Variants in PCDH15 observed in about 807,000 individuals in gnomAD.
The protein encoded by PCDH15 is protocadherin-15.
A neutral mutation model predicts 178.5 loss-of-function variants in PCDH15; 129 were observed. That is an observed-to-expected ratio of 0.72 (90% CI 0.63 to 0.84). The LOEUF (loss-of-function observed/expected upper bound fraction) is 0.84. PCDH15 is among the 40% of genes least tolerant of loss of function. The pLI, the probability that PCDH15 is intolerant of heterozygous loss-of-function variation, is 0.00. For missense variants in PCDH15, 2,230 were observed against 2,099.9 expected, an observed-to-expected ratio of 1.06 and a Z score of -1.21; for synonymous variants, 800 against 732.0, an observed-to-expected ratio of 1.09 and a Z score of -1.50.
chr10:55,602,642 C>T (rs1843114935), intron 2 of PCDH15, among the ~76,000 whole-genome samples: 1 of 152,158 alleles, frequency 6.6e-6, no homozygotes, highest in Admixed American at 6.5e-5. Context: ...ACACCTCACA[C>T]AGCAGGGTAC....
intron 2 of PCDH15, among the ~76,000 whole-genome samples, chr10:54,905,847 C>T (rs1197341999): frequency 6.6e-6 from 1 of 152,082 alleles, no homozygotes; most frequent in Non-Finnish European, 1.5e-5. Flanking sequence ...TTAACATTTC[C>T]TTTTCAATAG....
intron 2 of PCDH15, among the ~76,000 whole-genome samples, chr10:55,414,253 C>T (rs115173774): frequency 0.024 from 3,674 of 151,452 alleles, 158 homozygotes; most frequent in African/African-American, 0.083. Context: ...CTCAGAATGA[C>T]GAAGAACCAA....
intron 3 of PCDH15, among the ~76,000 whole-genome samples, chr10:54,838,886 C>T (rs1258391407): frequency 6.6e-6 from 1 of 152,136 alleles, no homozygotes; most frequent in African/African-American, 2.4e-5. Flanking sequence ...CTCATAGGGA[C>T]CAGACAGGAT....
At chr10:53,851,256 A>T (rs2078336569) in intron 28 of PCDH15, among the ~76,000 whole-genome samples, 1 of 151,922 alleles carries the variant, frequency 6.6e-6, no homozygotes. Context: ...TGATACTTGT[A>T]TTTATCTGTC....
intron 2 of PCDH15, among the ~76,000 whole-genome samples, chr10:55,539,403 T>C (rs1323371562): frequency 1.3e-5 from 2 of 151,984 alleles, no homozygotes; most frequent in African/African-American, 4.8e-5. Context: ...TGCAATTATG[T>C]TTATTGTAAT....
chr10:54,456,537 C>A (rs2076833657), intron 3 of PCDH15, among the ~76,000 whole-genome samples: 1 of 152,140 alleles, frequency 6.6e-6, no homozygotes, highest in Non-Finnish European at 1.5e-5. Flanking sequence ...CGTTTGTAGG[C>A]AGAAGAAACT....
In PCDH15 at chr10:54,020,000, C is replaced by A. The variant is rs2891497; in HGVS notation, c.2751+192G>T. ...TATTTACTGCCTCTTTCAAATTTAT[C>A]TTTTATAGTCAAAAATATAGTTATT... On this transcript the variant is annotated intron_variant, in intron 20 of 37. Transcript: ENST00000644397. Among the ~76,000 whole-genome samples the A allele has an allele frequency of 0.59, 89,913 of 151,878 alleles. 29,459 individuals carry two copies. The highest frequency in any genetic ancestry group is 0.74 in the Non-Finnish European group (50,325 of 67,912).
intron 1 of PCDH15, among the ~76,000 whole-genome samples, chr10:55,173,404 GA>G (rs1158876205): frequency 6.7e-6 from 1 of 148,306 alleles, no homozygotes; most frequent in African/African-American, 2.5e-5. Context: ...TCTTCTTTAA[GA>G]TATGTAAAAA....
rs1409096800 is a variant in PCDH15 at position 53,916,293 on chromosome 10, C to T, written c.3374-12923G>A. Among the ~76,000 whole-genome samples, 2 of 152,130 alleles carry T rather than the reference C, an allele frequency of 1.3e-5. 1 individual carries two copies. Among genetic ancestry groups the T allele is most frequent in the Non-Finnish European group, 2.9e-5 (2 of 68,000 alleles). ...TCATGAGGAAATAATCAGGAAAAAA[C>T]AGTAATATTCTAAGTATTACTTAAA... On this transcript the variant is annotated intron_variant, in intron 25 of 37. Transcript: ENST00000644397.
intron 32 of PCDH15, chr10:53,821,547 T>TTTAAGTTGGGTATCTAA (rs1156624547): frequency 1.8e-6 from 2 of 1,092,026 alleles, no homozygotes; most frequent in Non-Finnish European, 2.2e-6. Context: ...ATGCCTTTGG[T>TTTAAGTTGGGTATCTAA]TTAAGTTGGG....
chr10:54,232,185 C>T (rs756010888), intron 9 of PCDH15, among the ~76,000 whole-genome samples: 1 of 152,058 alleles, frequency 6.6e-6, no homozygotes, highest in African/African-American at 2.4e-5. Flanking sequence ...GGGAAATTTC[C>T]CCCTTGCTGT....
chr10:54,350,449 G>T (rs1352677061), intron 5 of PCDH15, among the ~76,000 whole-genome samples: 3 of 152,040 alleles, frequency 2.0e-5, no homozygotes, highest in African/African-American at 7.2e-5. Context: ...ACACAAAATG[G>T]ATCAGTCATA....
chr10:55,407,098 T>C (rs1352738997), intron 2 of PCDH15, among the ~76,000 whole-genome samples: 2 of 151,860 alleles, frequency 1.3e-5, no homozygotes, highest in African/African-American at 2.4e-5. Flanking sequence ...AAAGCCTGAT[T>C]GGAGACGTGT....
chr10:55,192,558 C>A (rs58928910), intron 1 of PCDH15, among the ~76,000 whole-genome samples: 1,525 of 151,696 alleles, frequency 0.01, 35 homozygotes, highest in African/African-American at 0.035. Flanking sequence ...ATATTGAAAT[C>A]TGGGAGTTTC....
At chr10:55,220,313 T>C (rs1266245714) in intron 1 of PCDH15, among the ~76,000 whole-genome samples, 1 of 152,084 alleles carries the variant, frequency 6.6e-6, no homozygotes, top group Non-Finnish European at 1.5e-5. Context: ...CGCTCTTTTT[T>C]TAAAACACAT....
At chr10:55,316,526 C>G (rs1403531296) in intron 1 of PCDH15, among the ~76,000 whole-genome samples, 1 of 152,012 alleles carries the variant, frequency 6.6e-6, no homozygotes, top group Non-Finnish European at 1.5e-5. Context: ...CCTATTAATT[C>G]TTTTAAAGAA....
chr10:54,946,733 C>T (rs1448394056), intron 2 of PCDH15, among the ~76,000 whole-genome samples: 1 of 151,780 alleles, frequency 6.6e-6, no homozygotes, highest in East Asian at 1.9e-4. Context: ...AAGCACTTTA[C>T]AAGGTGATCT....
intron 15 of PCDH15, among the ~76,000 whole-genome samples, chr10:54,106,559 A>G (rs1329639089): frequency 6.6e-6 from 1 of 152,196 alleles, no homozygotes; most frequent in African/African-American, 2.4e-5. Context: ...GAAACAGCTA[A>G]ATAGAATGGA....
intron 2 of PCDH15, among the ~76,000 whole-genome samples, chr10:54,563,778 T>C (rs2088583633): frequency 1.3e-5 from 2 of 152,232 alleles, no homozygotes. Context: ...GTGTATATTG[T>C]GGTAATAAGA....
Sources: gnomAD v4.1 joint callset for allele counts (sites outside exome capture counted in the v4.1 genomes callset) on GRCh38, gnomAD v4.1.1 for gene constraint, MANE v1.5 for transcripts, NCBI Gene and HGNC (gene_info 2026-07-23, HGNC 2026-07-21) for gene names.